Variants in FUT9 observed in about 807,000 individuals in gnomAD.
FUT9 encodes the protein fucosyltransferase 9.
A neutral mutation model predicts 29.7 loss-of-function variants in FUT9; 15 were observed. The ratio of observed to expected loss-of-function variants is 0.51; its 90% CI spans 0.34 to 0.78. The LOEUF is 0.78. Among genes scored for constraint, FUT9 ranks in the 30% least tolerant of loss-of-function variants. FUT9 has a pLI of 0.01. For missense variants in FUT9, 319 were observed against 425.4 expected (o/e 0.75, Z 2.20); for synonymous variants, 169 against 153.7 (o/e 1.10, Z -0.74).
At chr6:96,025,151 A>G (rs1319120202) in intron 1 of FUT9, among the ~76,000 whole-genome samples, 1 of 151,634 alleles carries the variant, frequency 6.6e-6, no homozygotes, top group Non-Finnish European at 1.5e-5. Flanking sequence ...ATATATGTAC[A>G]CATTACTCTT....
intron 2 of FUT9, among the ~76,000 whole-genome samples, chr6:96,120,270 T>A (rs1771997842): frequency 6.6e-5 from 2 of 30,092 alleles, no homozygotes; most frequent in Non-Finnish European, 7.9e-5. Flanking sequence ...TTTTTCTTTC[T>A]TTTTTTTTTT....
rs1773882285 is a variant in FUT9, at chr6:96,208,861, A to G, written c.*4626A>G. ...GGAGAGAAATATAGTCTCTCTCCTA[A>G]CTTCATTCCATTGTATTGCAATCAG... On this transcript the variant is annotated 3_prime_UTR_variant, in exon 3 of 3. Transcript: ENST00000302103. The G allele has an allele frequency of 6.0e-6, 1 of 165,602 alleles. No homozygotes were observed. The highest frequency in any genetic ancestry group is 2.1e-4 in the South Asian group (1 of 4,756). 10.3% of individuals were successfully genotyped at this position (165,602 alleles called of 1,614,324 possible).
At chr6:96,071,991 T>C (rs922376220) in intron 1 of FUT9, among the ~76,000 whole-genome samples, 2 of 152,114 alleles carry the variant, frequency 1.3e-5, no homozygotes, top group African/African-American at 4.8e-5. Flanking sequence ...TGCAAAATGC[T>C]CTCTATGAAT....
rs1772195218 is a variant in FUT9 at position 96,129,284 on chromosome 6, AAAAAAAAAC to A, written c.-9+15161_-9+15169del. Among the ~76,000 whole-genome samples, 7 of 7,250 alleles carry A rather than the reference AAAAAAAAAC, an allele frequency of 9.7e-4. 1 individual carries two copies. Among genetic ancestry groups the A allele is most frequent in the Non-Finnish European group, 5.4e-3 (4 of 746 alleles). 4.8% of individuals were successfully genotyped at this position (7,250 alleles called of 152,430 possible). Reference sequence around the variant, plus strand: ...TGTCTCAAAAAAAAAAAAAAAAAAAAAAAAAAAACAAACAACCAGCCATGGTGGCATGTG... The same window carrying A: ...TGTCTCAAAAAAAAAAAAAAAAAAAAAAACAACCAGCCATGGTGGCATGTG... On this transcript the variant is annotated intron_variant, in intron 2 of 2. Transcript: ENST00000302103.
intron 2 of FUT9, among the ~76,000 whole-genome samples, chr6:96,148,743 G>A (rs182044606): frequency 4.1e-4 from 63 of 152,228 alleles, no homozygotes; most frequent in African/African-American, 1.3e-3. Context: ...GTAGATACAT[G>A]AACATTTAAC....
intron 1 of FUT9, among the ~76,000 whole-genome samples, chr6:96,109,389 A>G (rs1771754525): frequency 6.6e-6 from 1 of 152,170 alleles, no homozygotes; most frequent in South Asian, 2.1e-4. Flanking sequence ...GCAACTGAAA[A>G]CAATTATATA....
chr6:96,033,409 G>A (rs1209964986), intron 1 of FUT9, among the ~76,000 whole-genome samples: 1 of 151,700 alleles, frequency 6.6e-6, no homozygotes. Flanking sequence ...TGATGAGACA[G>A]AGCCACCATT....
intron 1 of FUT9, among the ~76,000 whole-genome samples, chr6:96,074,420 G>T (rs1771111105): frequency 6.6e-6 from 1 of 152,132 alleles, no homozygotes; most frequent in African/African-American, 2.4e-5. Context: ...TCCTGAAGAA[G>T]CCAAGTTTAT....
At chr6:96,100,012 G>T (rs1254037995) in intron 1 of FUT9, among the ~76,000 whole-genome samples, 2 of 152,072 alleles carry the variant, frequency 1.3e-5, no homozygotes, top group African/African-American at 4.8e-5. Flanking sequence ...CATTGGGTGA[G>T]AATTGATTCG....
chr6:96,194,275 C>A (rs1773578506), intron 2 of FUT9, among the ~76,000 whole-genome samples: 1 of 152,040 alleles, frequency 6.6e-6, no homozygotes, highest in Non-Finnish European at 1.5e-5. Flanking sequence ...AGGCCTCTTT[C>A]CAAAGTTTCT....
At chr6:96,158,638 C>G (rs1772836633) in intron 2 of FUT9, among the ~76,000 whole-genome samples, 2 of 152,062 alleles carry the variant, frequency 1.3e-5, no homozygotes, top group South Asian at 4.1e-4. Context: ...GAAACTTGCT[C>G]TGTTGTTTTA....
chr6:96,018,063 A>C (rs1309310533), intron 1 of FUT9, among the ~76,000 whole-genome samples: 1 of 152,212 alleles, frequency 6.6e-6, no homozygotes, highest in Non-Finnish European at 1.5e-5. Flanking sequence ...TTTTAAGTAA[A>C]TGTGGATAGC....
chr6:96,039,840 A>G (rs1770425178), intron 1 of FUT9, among the ~76,000 whole-genome samples: 1 of 152,206 alleles, frequency 6.6e-6, no homozygotes, highest in African/African-American at 2.4e-5. Flanking sequence ...TAATGAAATG[A>G]ATAAATACTT....
At chr6:96,089,560 C>G (rs1474071184) in intron 1 of FUT9, among the ~76,000 whole-genome samples, 1 of 152,144 alleles carries the variant, frequency 6.6e-6, no homozygotes, top group African/African-American at 2.4e-5. Flanking sequence ...AGATCTGATC[C>G]ATATTCCTGC....
intron 1 of FUT9, among the ~76,000 whole-genome samples, chr6:96,087,301 A>G (rs1771332148): frequency 6.6e-6 from 1 of 151,868 alleles, no homozygotes; most frequent in African/African-American, 2.4e-5. Flanking sequence ...CCTCCAAGTA[A>G]CATAGCACTC....
At chr6:96,168,999 A>G (rs1773063572) in intron 2 of FUT9, among the ~76,000 whole-genome samples, 1 of 152,138 alleles carries the variant, frequency 6.6e-6, no homozygotes, top group Non-Finnish European at 1.5e-5. Flanking sequence ...AACAGAAGGG[A>G]GTAGAAGCAT....
intron 2 of FUT9, among the ~76,000 whole-genome samples, chr6:96,133,399 A>G (rs1482943220): frequency 6.6e-6 from 1 of 151,926 alleles, no homozygotes; most frequent in Admixed American, 6.6e-5. Flanking sequence ...GGAAAACAGC[A>G]GAGAAATCAT....
intron 1 of FUT9, among the ~76,000 whole-genome samples, chr6:96,023,937 C>T (rs1297374064): frequency 6.6e-6 from 1 of 151,930 alleles, no homozygotes; most frequent in Non-Finnish European, 1.5e-5. Flanking sequence ...TAGCACTTCA[C>T]TACATTTGGC....
At chr6:96,072,205 A>G (rs1771074586) in intron 1 of FUT9, among the ~76,000 whole-genome samples, 3 of 152,210 alleles carry the variant, frequency 2.0e-5, no homozygotes, top group African/African-American at 7.2e-5. Flanking sequence ...AGCAGAGTCA[A>G]GATTCAAACC....
Sources: gnomAD v4.1 joint callset for allele counts (sites outside exome capture counted in the v4.1 genomes callset) on GRCh38, gnomAD v4.1.1 for gene constraint, MANE v1.5 for transcripts, NCBI Gene and HGNC (gene_info 2026-07-23, HGNC 2026-07-21) for gene names.